The following LRRC4C variants were observed in gnomAD, a reference collection of about 807,000 sequenced individuals.
LRRC4C encodes the protein leucine-rich repeat-containing protein 4C.
A neutral mutation model predicts 33.6 loss-of-function variants in LRRC4C; 5 were observed. The observed-to-expected ratio is 0.15, with a 90% CI of 0.08 to 0.31. LRRC4C has a LOEUF of 0.31. LRRC4C is among the 10% of genes least tolerant of loss of function. LRRC4C has a pLI of 1.00. For missense variants in LRRC4C, 560 were observed against 796.7 expected (o/e 0.70, Z 3.58); for synonymous variants, 329 against 302.0 (o/e 1.09, Z -0.93).
rs1288703793 is a variant in LRRC4C, at chr11:40,984,373, AAG to A, written c.-495-50652_-495-50651del. Among the ~76,000 whole-genome samples, 9 of 78,558 alleles carry A rather than the reference AAG, an allele frequency of 1.1e-4. 1 individual carries two copies. Among genetic ancestry groups the A allele is most frequent in the African/African-American group, 1.9e-4 (4 of 20,938 alleles). 51.5% of individuals were successfully genotyped at this position (78,558 alleles called of 152,430 possible). On this transcript the variant is annotated intron_variant, in intron 1 of 6. Coordinates refer to ENST00000528697, the MANE Select transcript of LRRC4C (RefSeq NM_001258419.2). ...AAGAGAAAGAAAGAAAAAAGAAAGA[AAG>A]AAAGAAAGAAAGAAAGAAAGAAAGA...
chr11:40,734,746 G>A (rs1030955665), intron 2 of LRRC4C, among the ~76,000 whole-genome samples: 1 of 152,092 alleles, frequency 6.6e-6, no homozygotes, highest in South Asian at 2.1e-4. Flanking sequence ...GATCTCCAAG[G>A]ATAATCCTGA....
chr11:40,964,023 T>C (rs1290259510), intron 1 of LRRC4C, among the ~76,000 whole-genome samples: 1 of 151,440 alleles, frequency 6.6e-6, no homozygotes, highest in African/African-American at 2.4e-5. Flanking sequence ...TCTCTATGCC[T>C]TGTTTTTTTT....
At chr11:40,831,465 G>C (rs1355537810) in intron 2 of LRRC4C, among the ~76,000 whole-genome samples, 1 of 151,772 alleles carries the variant, frequency 6.6e-6, no homozygotes, top group East Asian at 1.9e-4. Context: ...GTATTATTTT[G>C]TCATTAAAAT....
chr11:41,212,800 T>C (rs895283041), intron 1 of LRRC4C, among the ~76,000 whole-genome samples: 1 of 152,228 alleles, frequency 6.6e-6, no homozygotes, highest in African/African-American at 2.4e-5. Flanking sequence ...TTCCTTTTCA[T>C]GGCTGCATAG....
chr11:41,256,223 G>T (rs762684292), intron 1 of LRRC4C, among the ~76,000 whole-genome samples: 49 of 151,876 alleles, frequency 3.2e-4, no homozygotes, highest in Non-Finnish European at 5.4e-4. Context: ...GTCACCCCGG[G>T]TGATAACATA....
chr11:40,273,956 C>T lies in LRRC4C; in HGVS notation c.-175-32358G>A, dbSNP rs771340391. Reference sequence around the variant, plus strand: ...CCAAGAGTTTAGTCTATTTTCCCCACGAGGTAGGGGGCAGGTGGGCAGTGG... The same window carrying T: ...CCAAGAGTTTAGTCTATTTTCCCCATGAGGTAGGGGGCAGGTGGGCAGTGG... On this transcript the variant is annotated intron_variant, in intron 4 of 6. Transcript: ENST00000528697. Among the ~76,000 whole-genome samples, 11 of 152,128 alleles carry T rather than the reference C, an allele frequency of 7.2e-5. No homozygotes were observed. The East Asian group carries it at 1.4e-3, about 19-fold the overall frequency.
At chr11:41,039,988 A>C (rs1474022314) in intron 1 of LRRC4C, among the ~76,000 whole-genome samples, 1 of 152,010 alleles carries the variant, frequency 6.6e-6, no homozygotes, top group Middle Eastern at 3.4e-3. Flanking sequence ...ATACAAAAAA[A>C]TTAGCCGGGC....
intron 6 of LRRC4C, among the ~76,000 whole-genome samples, chr11:40,131,118 A>G (rs913311727): frequency 6.6e-6 from 1 of 152,260 alleles, no homozygotes; most frequent in Admixed American, 6.5e-5. Context: ...CATTCAATAA[A>G]TATTAGCTGA....
At chr11:40,843,583 A>G (rs913993323) in intron 2 of LRRC4C, among the ~76,000 whole-genome samples, 2 of 152,158 alleles carry the variant, frequency 1.3e-5, no homozygotes, top group East Asian at 3.9e-4. Flanking sequence ...TCTATTCTCT[A>G]TCTTCCTTTC....
chr11:40,619,485 C>G (rs1962217562), intron 3 of LRRC4C, among the ~76,000 whole-genome samples: 1 of 151,706 alleles, frequency 6.6e-6, no homozygotes, highest in African/African-American at 2.4e-5. Flanking sequence ...ACTCATTTTC[C>G]TTGTCAACTG....
chr11:40,542,137 C>T (rs565843597), intron 3 of LRRC4C, among the ~76,000 whole-genome samples: 88 of 151,260 alleles, frequency 5.8e-4, no homozygotes, highest in African/African-American at 2.0e-3. Flanking sequence ...ACTGCCATAA[C>T]ACAGACCTGT....
intron 2 of LRRC4C, among the ~76,000 whole-genome samples, chr11:40,876,730 C>T (rs1011101067): frequency 6.6e-6 from 1 of 151,670 alleles, no homozygotes; most frequent in African/African-American, 2.4e-5. Context: ...TGGTGAAACC[C>T]CATCTCTACT....
rs553664331 is a variant in LRRC4C at position 40,808,681 on chromosome 11, C to T, written c.-407+124954G>A. Among the ~76,000 whole-genome samples the T allele has an allele frequency of 6.6e-5, 10 of 152,192 alleles. No homozygotes were observed. The East Asian group carries it at 9.7e-4, about 15-fold the overall frequency. Reference sequence around the variant, plus strand: ...AAGGTCAAGGGAGACCCAGTACCGCCGGTCAATCCTATATTTCTGATCCTT... The same window carrying T: ...AAGGTCAAGGGAGACCCAGTACCGCTGGTCAATCCTATATTTCTGATCCTT... On this transcript the variant is annotated intron_variant, in intron 2 of 6. Coordinates refer to ENST00000528697, the MANE Select transcript of LRRC4C (RefSeq NM_001258419.2).
intron 1 of LRRC4C, among the ~76,000 whole-genome samples, chr11:41,393,070 T>A (rs569267193): frequency 6.6e-6 from 1 of 152,044 alleles, no homozygotes; most frequent in East Asian, 1.9e-4. Flanking sequence ...ATAATGATTG[T>A]AAAGTCACTT....
At chr11:40,385,548 G>A (rs993267203) in intron 3 of LRRC4C, among the ~76,000 whole-genome samples, 3 of 152,020 alleles carry the variant, frequency 2.0e-5, no homozygotes, top group African/African-American at 7.2e-5. Flanking sequence ...AGAGGGGGAG[G>A]GTGGGATGGA....
rs563129129 is a variant in LRRC4C at position 40,553,987 on chromosome 11, T to A, written c.-270+94155A>T. ...TGTCAATTTTTGGTTTTGTTCCATT[T>A]GCTTTTGAGGACTTAGTCATAAATT... On this transcript the variant is annotated intron_variant, in intron 3 of 6. Coordinates refer to ENST00000528697, the MANE Select transcript of LRRC4C (RefSeq NM_001258419.2). Among the ~76,000 whole-genome samples the A allele has an allele frequency of 2.2e-4, 33 of 152,358 alleles. No homozygotes were observed. In the South Asian group the frequency reaches 6.6e-3, roughly 31 times the overall value.
At chr11:40,876,696 A>G (rs2135983463) in intron 2 of LRRC4C, among the ~76,000 whole-genome samples, 1 of 152,032 alleles carries the variant, frequency 6.6e-6, no homozygotes, top group Non-Finnish European at 1.5e-5. Flanking sequence ...TGAGGTCAGG[A>G]GATTGAGACC....
intron 5 of LRRC4C, among the ~76,000 whole-genome samples, chr11:40,168,057 A>G (rs529819996): frequency 1.8e-4 from 27 of 150,714 alleles, no homozygotes; most frequent in Middle Eastern, 3.4e-3. Context: ...AAACAAACAA[A>G]AAACAAAAAA....
intron 1 of LRRC4C, among the ~76,000 whole-genome samples, chr11:41,165,564 A>G (rs1944683394): frequency 6.6e-6 from 1 of 152,170 alleles, no homozygotes; most frequent in Non-Finnish European, 1.5e-5. Flanking sequence ...AAAAGTTTCA[A>G]TAATCTATAC....
Sources: allele counts gnomAD v4.1 joint callset (sites outside exome capture counted in the v4.1 genomes callset), GRCh38; gene constraint gnomAD v4.1.1; transcripts MANE v1.5; gene names NCBI Gene and HGNC (gene_info 2026-07-23, HGNC 2026-07-21).